The following DPH6 variants were observed in gnomAD, a reference collection of about 807,000 sequenced individuals.
DPH6 encodes the protein diphthamine biosynthesis 6.
DPH6 carries 33 observed loss-of-function variants against 38.2 expected under a neutral mutation model. The ratio of observed to expected loss-of-function variants is 0.86; its 90% CI spans 0.65 to 1.15. The LOEUF is 1.15. Among genes scored for constraint, DPH6 ranks in the 50% most tolerant of loss-of-function variants. DPH6 has a pLI of 0.00. For missense variants in DPH6, 325 were observed against 320.0 expected (o/e 1.02, Z -0.12); for synonymous variants, 108 against 103.0 (o/e 1.05, Z -0.30).
intron 3 of DPH6, among the ~76,000 whole-genome samples, chr15:35,294,605 A>G (rs112091914): frequency 1.0e-3 from 152 of 152,252 alleles, no homozygotes; most frequent in African/African-American, 3.6e-3. Flanking sequence ...TTAATTCATT[A>G]AATTTATCTT....
At chr15:35,536,216 C>T (rs1181480030) in intron 3 of DPH6, among the ~76,000 whole-genome samples, 1 of 151,878 alleles carries the variant, frequency 6.6e-6, no homozygotes, top group African/African-American at 2.4e-5. Context: ...GGAATCTTTG[C>T]ACCAGTGTTT....
downstream of DPH6, among the ~76,000 whole-genome samples, chr15:35,328,396 C>T (rs925635920): frequency 2.6e-5 from 4 of 152,040 alleles, no homozygotes; most frequent in Non-Finnish European, 1.5e-5. Context: ...TGTATAATTA[C>T]ATGTATTTTC....
chr15:35,308,862 TAAAC>T (rs1166633047), intron 3 of DPH6, among the ~76,000 whole-genome samples: 1 of 152,202 alleles, frequency 6.6e-6, no homozygotes, highest in African/African-American at 2.4e-5. Context: ...ACTGCCAAAA[TAAAC>T]AAGCTGAGAG....
intron 5 of DPH6, among the ~76,000 whole-genome samples, chr15:35,440,863 A>G (rs1291586179): frequency 3.3e-5 from 5 of 152,236 alleles, no homozygotes; most frequent in African/African-American, 4.8e-5. Context: ...ATGAGAGTGA[A>G]CAGGCAACCT....
intron 1 of DPH6, 82 bp from the exon 2 acceptor site, chr15:35,542,589 C>T: frequency 7.9e-7 from 1 of 1,268,384 alleles, no homozygotes; most frequent in Non-Finnish European, 1.1e-6. Context: ...CAAAACAGAA[C>T]ATATCATTTA....
intron 5 of DPH6, among the ~76,000 whole-genome samples, chr15:35,445,546 G>C (rs1389258773): frequency 6.6e-6 from 1 of 151,614 alleles, no homozygotes; most frequent in African/African-American, 2.4e-5. Flanking sequence ...CTCAACATAT[G>C]AACCATGTAG....
intron 3 of DPH6, among the ~76,000 whole-genome samples, chr15:35,535,990 G>GA (rs1426477329): frequency 1.3e-5 from 2 of 152,050 alleles, no homozygotes; most frequent in African/African-American, 4.8e-5. Context: ...ACTTATGTGT[G>GA]AAAGTTGCAA....
intron 6 of DPH6, among the ~76,000 whole-genome samples, chr15:35,397,008 G>A (rs989473299): frequency 1.3e-5 from 2 of 152,222 alleles, no homozygotes; most frequent in African/African-American, 2.4e-5. Context: ...CTGTAGAAAA[G>A]TGAGAAGAAA....
rs73378704 is a variant in DPH6 at position 35,394,143 on chromosome 15, C to G, written c.568-12227G>C. 6.3e-3 allele frequency among the ~76,000 whole-genome samples: 959 copies of G among 152,224 alleles called. 12 individuals are homozygous for G. The highest frequency in any genetic ancestry group is 0.022 in the African/African-American group (920 of 41,530). ...TGTTTTATCTAGAATATGTTCTTCTCTCTTAATGCATTCCCTATAACAGCA... is the reference window on the plus strand; with the variant it reads ...TGTTTTATCTAGAATATGTTCTTCTGTCTTAATGCATTCCCTATAACAGCA... On this transcript the variant is annotated intron_variant, in intron 6 of 8. Transcript: ENST00000256538.
chr15:35,426,934 A>G (rs1242840885), intron 5 of DPH6, among the ~76,000 whole-genome samples: 10 of 151,196 alleles, frequency 6.6e-5, no homozygotes, highest in African/African-American at 2.2e-4. Flanking sequence ...AATATCTAAA[A>G]CATCTTATAA....
intron 3 of DPH6, among the ~76,000 whole-genome samples, chr15:35,282,367 C>A (rs2051904771): frequency 6.6e-6 from 1 of 152,122 alleles, no homozygotes; most frequent in Non-Finnish European, 1.5e-5. Context: ...TCTGTAGAGA[C>A]AAGGTCTCAC....
At chr15:35,239,977 C>T (rs1288043762) in intron 3 of DPH6, among the ~76,000 whole-genome samples, 1 of 141,644 alleles carries the variant, frequency 7.1e-6, no homozygotes. Flanking sequence ...TTCTGGAGGG[C>T]AAGAACCCCC....
chr15:35,381,809 AATG>A lies in DPH6; in HGVS notation c.662+10_662+12del. On this transcript the variant is annotated intron_variant, in intron 7 of 8. Coordinates refer to ENST00000256538, the MANE Select transcript of DPH6 (RefSeq NM_080650.4). ...TTATGGGAAAAAAAGAAAATGCTGAAATGATATCTTACACAATTATTTTCTTCT... is the reference window on the plus strand; with the variant it reads ...TTATGGGAAAAAAAGAAAATGCTGAAATATCTTACACAATTATTTTCTTCT... The A allele has an allele frequency of 6.3e-7, 1 of 1,596,004 alleles. No individual in the cohort carries two copies. The highest frequency in any genetic ancestry group is 1.7e-4 in the Middle Eastern group (1 of 6,026).
At chr15:35,352,725 G>A (rs1457464883) in intron 3 of DPH6, among the ~76,000 whole-genome samples, 1 of 152,128 alleles carries the variant, frequency 6.6e-6, no homozygotes, top group Non-Finnish European at 1.5e-5. Flanking sequence ...ATTGTGAATA[G>A]TGCCACAATA....
intron 3 of DPH6, chr15:35,522,393 G>T: frequency 2.0e-6 from 2 of 1,012,418 alleles, no homozygotes; most frequent in African/African-American, 1.6e-5. Flanking sequence ...TGCTTATTCA[G>T]TATTAATACA....
chr15:35,172,568 A>C, the DPH6 span, among the ~76,000 whole-genome samples: 1 of 152,230 alleles, frequency 6.6e-6, no homozygotes, highest in Non-Finnish European at 1.5e-5. Context: ...CATACAGAGC[A>C]TCATTTGTGG....
At chr15:35,521,367 T>C (rs2054920727) in intron 3 of DPH6, 1 of 1,034,298 alleles carries the variant, frequency 9.7e-7, no homozygotes, top group Non-Finnish European at 1.2e-6. Flanking sequence ...GAACCAACTT[T>C]ATATAAATAG....
At chr15:35,473,707 ACAAAATATG>A (rs2054224975) in intron 3 of DPH6, among the ~76,000 whole-genome samples, 1 of 152,192 alleles carries the variant, frequency 6.6e-6, no homozygotes, top group Non-Finnish European at 1.5e-5. Context: ...CACACATGAA[ACAAAATATG>A]TACCAGGACA....
chr15:35,373,280 T>A (rs1348972331), intron 8 of DPH6, among the ~76,000 whole-genome samples: 1 of 151,970 alleles, frequency 6.6e-6, no homozygotes, highest in African/African-American at 2.4e-5. Context: ...TATATACTAT[T>A]CCCTTTTTAA....
Sources: gnomAD v4.1 joint callset for allele counts (sites outside exome capture counted in the v4.1 genomes callset) on GRCh38, gnomAD v4.1.1 for gene constraint, MANE v1.5 for transcripts, NCBI Gene and HGNC (gene_info 2026-07-23, HGNC 2026-07-21) for gene names.